EVI5: variants seen among roughly 807,000 people sequenced by gnomAD.
The protein encoded by EVI5 is ecotropic viral integration site 5, also known as ecotropic viral integration site 5 protein homolog.
A neutral mutation model predicts 112.0 loss-of-function variants in EVI5; 73 were observed. The ratio of observed to expected loss-of-function variants is 0.65; its 90% CI spans 0.54 to 0.79. The LOEUF is 0.79. Ranked by LOEUF, EVI5 falls within the 30% of genes least tolerant of loss-of-function variation. The pLI, the probability that EVI5 is intolerant of heterozygous loss-of-function variation, is 0.00. For missense variants in EVI5, 900 were observed against 968.8 expected (o/e 0.93, Z 0.94); for synonymous variants, 305 against 319.9 (o/e 0.95, Z 0.50).
chr1:92,643,948 T>C (rs1368212275), intron 13 of EVI5, among the ~76,000 whole-genome samples: 1 of 152,146 alleles, frequency 6.6e-6, no homozygotes, highest in Non-Finnish European at 1.5e-5. Context: ...TTATAACTAA[T>C]AAATGTAGAA....
intron 19 of EVI5, among the ~76,000 whole-genome samples, chr1:92,525,285 T>TTTTTTTTTA (rs1386974706): frequency 1.3e-5 from 2 of 148,810 alleles, no homozygotes; most frequent in African/African-American, 5.0e-5. Context: ...TTTTTTTTTT[T>TTTTTTTTTA]TTGAGACAGA....
intron 2 of EVI5, among the ~76,000 whole-genome samples, chr1:92,706,752 G>T (rs745971834): frequency 6.6e-6 from 1 of 152,156 alleles, no homozygotes; most frequent in Non-Finnish European, 1.5e-5. Context: ...ATACAAAGCT[G>T]TGAGGAACGT....
rs146525528 is a variant in EVI5, at chr1:92,528,807, C to T, written c.2167-14837G>A. On this transcript the variant is annotated intron_variant, in intron 19 of 19. Coordinates refer to ENST00000684568, the MANE Select transcript of EVI5 (RefSeq NM_001350197.2). ...GAGAGAGAGAGTGTGGGAGGAGTAA[C>T]GAGGGCCTTCTGAAATTCTGGTAAT... Among the ~76,000 whole-genome samples, 315 of 152,146 alleles carry T rather than the reference C, an allele frequency of 2.1e-3. 6 individuals carry two copies. The highest frequency in any genetic ancestry group is 0.019 in the Admixed American group (289 of 15,272).
At chr1:92,519,948 C>CAAT in intron 19 of EVI5, among the ~76,000 whole-genome samples, 1 of 143,918 alleles carries the variant, frequency 6.9e-6, no homozygotes, top group South Asian at 2.3e-4. Context: ...ACACAAGAGA[C>CAAT]AATATATTAT....
chr1:92,769,446 G>A (rs561182949), intron 1 of EVI5, among the ~76,000 whole-genome samples: 1 of 152,126 alleles, frequency 6.6e-6, no homozygotes, highest in South Asian at 2.1e-4. Context: ...CAGTATTTGT[G>A]GTACGAAGAT....
intron 13 of EVI5, among the ~76,000 whole-genome samples, chr1:92,651,216 T>C (rs1013434037): frequency 2.0e-5 from 3 of 152,196 alleles, no homozygotes; most frequent in Non-Finnish European, 4.4e-5. Flanking sequence ...GTTCATTCCA[T>C]TATAAGATTA....
At chr1:92,643,973 GAA>G (rs1660482552) in intron 13 of EVI5, among the ~76,000 whole-genome samples, 1 of 152,196 alleles carries the variant, frequency 6.6e-6, no homozygotes, top group African/African-American at 2.4e-5. Context: ...GAGAGAATAT[GAA>G]AGTCACCATT....
rs551359925 is a variant in EVI5, at chr1:92,678,887, G to T, written c.1098-1669C>A. On this transcript the variant is annotated intron_variant, in intron 9 of 19. Transcript: ENST00000684568. ...TATAAGTTGTTATACCCACTCTGGG[G>T]TTTAGAAAGCTTGAGAAACTTCTGT... 5.3e-5 allele frequency among the ~76,000 whole-genome samples: 8 copies of T among 152,266 alleles called. No individual in the cohort carries two copies. The South Asian group carries it at 1.7e-3, about 32-fold the overall frequency.
chr1:92,640,367 A>G (rs1229549800), intron 13 of EVI5, among the ~76,000 whole-genome samples: 1 of 152,208 alleles, frequency 6.6e-6, no homozygotes, highest in Non-Finnish European at 1.5e-5. Context: ...CATCTGACAA[A>G]GGTCTAAAAT....
intron 9 of EVI5, among the ~76,000 whole-genome samples, chr1:92,678,893 A>T (rs956563635): frequency 6.6e-6 from 1 of 152,218 alleles, no homozygotes; most frequent in African/African-American, 2.4e-5. Flanking sequence ...TGGGGTTTAG[A>T]AAGCTTGAGA....
intron 9 of EVI5, among the ~76,000 whole-genome samples, chr1:92,685,726 G>A (rs775985700): frequency 6.6e-5 from 10 of 152,074 alleles, no homozygotes; most frequent in South Asian, 2.1e-4. Flanking sequence ...TATCACCACC[G>A]ATCCCACAGA....
At chr1:92,556,799 A>T (rs1667748585) in intron 19 of EVI5, among the ~76,000 whole-genome samples, 1 of 151,940 alleles carries the variant, frequency 6.6e-6, no homozygotes, top group South Asian at 2.1e-4. Flanking sequence ...TATTCACATA[A>T]TTTTTTTCTT....
intron 18 of EVI5, among the ~76,000 whole-genome samples, chr1:92,586,584 G>C (rs1377712863): frequency 2.1e-5 from 2 of 95,996 alleles, no homozygotes; most frequent in Non-Finnish European, 3.8e-5. Flanking sequence ...TCCAATTAAT[G>C]TAGGTTTTTT....
intron 16 of EVI5, chr1:92,622,324 G>A: frequency 2.2e-6 from 1 of 449,072 alleles, no homozygotes; most frequent in Non-Finnish European, 4.5e-6. Context: ...TTTAAGAAGG[G>A]GTCCACAGGT....
At chr1:92,789,546 C>G (rs1453011234), upstream of EVI5, among the ~76,000 whole-genome samples, 3 of 152,152 alleles carry the variant, frequency 2.0e-5, no homozygotes, top group African/African-American at 7.2e-5. Context: ...TTGTGATCCG[C>G]CCACCTCAGC....
intron 2 of EVI5, among the ~76,000 whole-genome samples, chr1:92,734,811 T>C (rs1000428356): frequency 2.6e-5 from 4 of 151,994 alleles, no homozygotes; most frequent in Non-Finnish European, 5.9e-5. Flanking sequence ...TCTCCAAACA[T>C]AGTAATAAGA....
At chr1:92,748,255 C>A (rs1293651345) in intron 1 of EVI5, among the ~76,000 whole-genome samples, 3 of 152,064 alleles carry the variant, frequency 2.0e-5, no homozygotes, top group Non-Finnish European at 4.4e-5. Flanking sequence ...TTCAAGAAGC[C>A]CAAACTAGCC....
chr1:92,714,068 A>AG (rs1673245781), intron 2 of EVI5: 1 of 984,140 alleles, frequency 1.0e-6, no homozygotes. Context: ...TTAACACACA[A>AG]GGGGGAAAAA....
intron 2 of EVI5, among the ~76,000 whole-genome samples, chr1:92,729,604 G>A (rs986269853): frequency 6.6e-6 from 1 of 152,154 alleles, no homozygotes; most frequent in South Asian, 2.1e-4. Context: ...TGTGGGTGGT[G>A]ACGTCCTTAG....
Sources: allele counts gnomAD v4.1 joint callset (sites outside exome capture counted in the v4.1 genomes callset), GRCh38; gene constraint gnomAD v4.1.1; transcripts MANE v1.5; gene names NCBI Gene and HGNC (gene_info 2026-07-23, HGNC 2026-07-21).